The following VPS13B variants were observed in gnomAD, a reference collection of about 807,000 sequenced individuals.
VPS13B encodes the protein vacuolar protein sorting 13 homolog B, also known as intermembrane lipid transfer protein VPS13B.
VPS13B carries 285 observed loss-of-function variants against 426.4 expected under a neutral mutation model. The observed-to-expected ratio is 0.67, with a 90% CI of 0.61 to 0.74. The LOEUF is 0.74. Ranked by LOEUF, VPS13B falls within the 30% of genes least tolerant of loss-of-function variation. The pLI is 0.00. For synonymous variants in VPS13B, 1,676 were observed against 1,676.4 expected (o/e 1.00, Z 0.01); for missense variants, 4,537 against 4,782.6 (o/e 0.95, Z 1.51).
At chr8:99,412,366 CTGTT>C (rs1205272129) in intron 21 of VPS13B, among the ~76,000 whole-genome samples, 3 of 152,152 alleles carry the variant, frequency 2.0e-5, no homozygotes, top group Admixed American at 6.5e-5. Context: ...ATTTGGCTCT[CTGTT>C]TGTCTGTTAT....
In VPS13B at chr8:99,725,547, G is replaced by T. The variant is rs987800650; in HGVS notation, c.7050+4500G>T. ...CCACCCCTTGGTCTATGGAAAAATT[G>T]TCTTCTATGAAACCGGTCCCTGGTG... On this transcript the variant is annotated intron_variant, in intron 39 of 61. Coordinates refer to ENST00000357162, the MANE Select transcript of VPS13B (RefSeq NM_152564.5). Among the ~76,000 whole-genome samples, 7 of 152,126 alleles carry T rather than the reference G, an allele frequency of 4.6e-5. No individual in the cohort carries two copies. The East Asian group carries it at 1.3e-3, about 29-fold the overall frequency.
At chr8:99,436,280 T>C (rs940292202) in intron 22 of VPS13B, among the ~76,000 whole-genome samples, 2 of 152,178 alleles carry the variant, frequency 1.3e-5, no homozygotes, top group Non-Finnish European at 2.9e-5. Context: ...GTATGATTCT[T>C]TTGCTTATTT....
chr8:99,654,505 A>C (rs961510412), intron 34 of VPS13B, among the ~76,000 whole-genome samples: 2 of 152,156 alleles, frequency 1.3e-5, no homozygotes, highest in Middle Eastern at 6.3e-3. Flanking sequence ...AAATATAGAA[A>C]ATATATTTTC....
At chr8:99,772,661 T>A (rs1266263287) in intron 40 of VPS13B, among the ~76,000 whole-genome samples, 2 of 152,220 alleles carry the variant, frequency 1.3e-5, no homozygotes, top group African/African-American at 4.8e-5. Flanking sequence ...GAAAATAGTA[T>A]GCATCATATT....
chr8:99,796,278 G>A (rs1005858820), intron 43 of VPS13B, among the ~76,000 whole-genome samples: 1 of 152,062 alleles, frequency 6.6e-6, no homozygotes, highest in African/African-American at 2.4e-5. Flanking sequence ...GTAGAGAGAG[G>A]GATAAAAGCC....
chr8:99,681,472 A>G (rs1178047434), intron 35 of VPS13B, among the ~76,000 whole-genome samples: 1 of 152,204 alleles, frequency 6.6e-6, no homozygotes, highest in Non-Finnish European at 1.5e-5. Flanking sequence ...TCTTGTACAG[A>G]GGTTGCACTG....
At chr8:99,823,290 T>G (rs2130827222) in intron 50 of VPS13B, among the ~76,000 whole-genome samples, 1 of 152,316 alleles carries the variant, frequency 6.6e-6, no homozygotes, top group South Asian at 2.1e-4. Context: ...GAGGATTTTG[T>G]GAGTTAATAT....
chr8:99,042,501 A>G (rs1350438641), intron 3 of VPS13B, among the ~76,000 whole-genome samples: 1 of 152,184 alleles, frequency 6.6e-6, no homozygotes, highest in Non-Finnish European at 1.5e-5. Flanking sequence ...CTTTTATCTC[A>G]TGTACCTACA....
intron 43 of VPS13B, chr8:99,798,927 T>C (rs2130753704): frequency 6.6e-6 from 1 of 152,344 alleles, no homozygotes; most frequent in African/African-American, 2.4e-5. Flanking sequence ...TTGCCATTTT[T>C]AAGTAATGGG....
At chr8:99,463,964 G>C (rs1038791274) in intron 23 of VPS13B, among the ~76,000 whole-genome samples, 2 of 152,114 alleles carry the variant, frequency 1.3e-5, no homozygotes, top group Non-Finnish European at 1.5e-5. Flanking sequence ...CAAAGTGTTG[G>C]TATTACAAGC....
At chr8:99,563,524 TAAAAGAAAA>T (rs1825036548) in intron 31 of VPS13B, among the ~76,000 whole-genome samples, 1 of 152,050 alleles carries the variant, frequency 6.6e-6, no homozygotes, top group East Asian at 1.9e-4. Flanking sequence ...TTTCTCTTTT[TAAAAGAAAA>T]AAAAGAGAAA....
chr8:99,109,134 A>G (rs564213525), intron 5 of VPS13B, among the ~76,000 whole-genome samples: 1 of 152,148 alleles, frequency 6.6e-6, no homozygotes, highest in Non-Finnish European at 1.5e-5. Flanking sequence ...TAATATTTCT[A>G]TATATTGGTG....
intron 35 of VPS13B, among the ~76,000 whole-genome samples, chr8:99,688,913 G>C: frequency 6.6e-6 from 1 of 152,090 alleles, no homozygotes; most frequent in East Asian, 1.9e-4. Flanking sequence ...GGATAGAACA[G>C]AAATTCTATT....
At chr8:99,585,898 T>C (rs975484481) in intron 33 of VPS13B, among the ~76,000 whole-genome samples, 4 of 152,182 alleles carry the variant, frequency 2.6e-5, no homozygotes, top group African/African-American at 9.6e-5. Context: ...AAACTGATCA[T>C]ATGGAGGTCC....
In VPS13B at chr8:99,510,905, C is replaced by T. The variant is rs79931505; in HGVS notation, c.4225-199C>T. On this transcript the variant is annotated intron_variant, in intron 28 of 61. Coordinates refer to ENST00000357162, the MANE Select transcript of VPS13B (RefSeq NM_152564.5). The stretch of plus-strand genomic sequence containing the variant: ...GATCTAGAACTGGAACTCAGGATTC[C>T]CATCTTTAGTTCAGTCATTCTAACC... 3.5e-3 allele frequency among the ~76,000 whole-genome samples: 528 copies of T among 152,198 alleles called. 4 individuals are homozygous for T. The highest frequency in any genetic ancestry group is 0.012 in the African/African-American group (497 of 41,528).
intron 19 of VPS13B, among the ~76,000 whole-genome samples, chr8:99,317,257 T>A (rs1809717799): frequency 6.6e-6 from 1 of 152,190 alleles, no homozygotes; most frequent in Non-Finnish European, 1.5e-5. Flanking sequence ...TTTTAAATTA[T>A]TTGTACTTAT....
intron 23 of VPS13B, among the ~76,000 whole-genome samples, chr8:99,449,771 G>T (rs1248302876): frequency 6.6e-6 from 1 of 151,984 alleles, no homozygotes; most frequent in African/African-American, 2.4e-5. Context: ...CACAATTTTA[G>T]GTAACTGGTT....
chr8:99,380,890 T>TA lies in VPS13B; in HGVS notation c.2825-3308dup, dbSNP rs1554763321. ...ACTTTTTCTTTCTTTTTTTTTTTTT[T>TA]AAAAAAAAAAGACTTTTATTTTAGG... On this transcript the variant is annotated intron_variant, in intron 19 of 61. Coordinates refer to ENST00000357162, the MANE Select transcript of VPS13B (RefSeq NM_152564.5). Among the ~76,000 whole-genome samples, 119 of 146,348 alleles carry TA rather than the reference T, an allele frequency of 8.1e-4. 1 individual carries two copies. The highest frequency in any genetic ancestry group is 1.6e-3 in the East Asian group (8 of 5,066).
chr8:99,136,976 T>C (rs1404008539), intron 12 of VPS13B, among the ~76,000 whole-genome samples: 1 of 152,174 alleles, frequency 6.6e-6, no homozygotes, highest in Admixed American at 6.5e-5. Context: ...GTATAACCTG[T>C]TAGAATTAGT....
Sources: allele counts gnomAD v4.1 joint callset (sites outside exome capture counted in the v4.1 genomes callset), GRCh38; gene constraint gnomAD v4.1.1; transcripts MANE v1.5; gene names NCBI Gene and HGNC (gene_info 2026-07-23, HGNC 2026-07-21).